SETD3: variants seen among roughly 807,000 people sequenced by gnomAD.
SETD3 encodes the protein actin-histidine N-methyltransferase.
SETD3 carries 19 observed loss-of-function variants against 63.0 expected under a neutral mutation model. The ratio of observed to expected loss-of-function variants is 0.30; its 90% CI spans 0.21 to 0.44. SETD3 has a LOEUF of 0.44. Among genes scored for constraint, SETD3 ranks in the 20% least tolerant of loss-of-function variants. SETD3 has a pLI of 1.00. For missense variants in SETD3, 587 were observed against 728.5 expected (o/e 0.81, Z 2.24); for synonymous variants, 286 against 264.1 (o/e 1.08, Z -0.80).
At chr14:99,404,437 C>T in intron 10 of SETD3, 127 bp from the exon 11 acceptor site, 1 of 782,126 alleles carries the variant, frequency 1.3e-6, no homozygotes, top group Non-Finnish European at 2.1e-6. Context: ...TGGGTCATTC[C>T]AGCTCCTCAT....
At chr14:99,399,267 C>G in intron 12 of SETD3, 142 bp from the exon 13 acceptor site, 1 of 635,922 alleles carries the variant, frequency 1.6e-6, no homozygotes, top group East Asian at 2.7e-5. Context: ...GGCAGGTGGT[C>G]GCATGACCAG....
In SETD3 at chr14:99,465,571, G is replaced by A. The variant is rs112648750; in HGVS notation, c.103+132C>T. The A allele has an allele frequency of 9.8e-3, 6,396 of 653,416 alleles. 54 individuals carry two copies. Among genetic ancestry groups the A allele is most frequent in the South Asian group, 0.022 (1,027 of 47,706 alleles). 40.5% of individuals were successfully genotyped at this position (653,416 alleles called of 1,614,324 possible). On this transcript the variant is annotated intron_variant, in intron 2 of 12. Coordinates refer to ENST00000331768, the MANE Select transcript of SETD3 (RefSeq NM_032233.3). Reference sequence around the variant, plus strand: ...GCAAGCCTGGGAACCTCTGTGACTCGCCCAGGCCCACAGCTAATAAGCTTG... The same window carrying A: ...GCAAGCCTGGGAACCTCTGTGACTCACCCAGGCCCACAGCTAATAAGCTTG...
chr14:99,466,796 G>A (rs1895410305), intron 1 of SETD3, among the ~76,000 whole-genome samples: 1 of 152,072 alleles, frequency 6.6e-6, no homozygotes, highest in Non-Finnish European at 1.5e-5. Flanking sequence ...GAGACAAGGG[G>A]CTAAGATCAT....
At chr14:99,443,803 C>T (rs1373395295) in intron 6 of SETD3, among the ~76,000 whole-genome samples, 1 of 152,144 alleles carries the variant, frequency 6.6e-6, no homozygotes, top group Non-Finnish European at 1.5e-5. Flanking sequence ...ACAGGGAGGC[C>T]TATTTTGCCT....
At chr14:99,463,293 G>A (rs572836230) in intron 3 of SETD3, among the ~76,000 whole-genome samples, 193 bp downstream of exon 3, 5 of 152,206 alleles carry the variant, frequency 3.3e-5, no homozygotes, top group Admixed American at 1.3e-4. Flanking sequence ...CACCCTTTCC[G>A]AAGCAGGTAA....
At chr14:99,473,413 A>G (rs1360137520) in intron 1 of SETD3, among the ~76,000 whole-genome samples, 1 of 152,190 alleles carries the variant, frequency 6.6e-6, no homozygotes, top group African/African-American at 2.4e-5. Flanking sequence ...AACACTCTAA[A>G]TGGAAAGGAT....
In SETD3 at chr14:99,398,945, G is replaced by GGTTA; in HGVS notation, c.1515_1518dup (p.Leu507Ter). On this transcript the variant is annotated stop_gained and frameshift_variant, in exon 13 of 13. Transcript: ENST00000331768. LOFTEE classifies it low-confidence loss of function (END_TRUNC). ...CCCACGCTGCTCTCCAACAGCCCAA[G>GGTTA]GTTACTCTCTTCATATTTGGGAAGC... 6.2e-7 allele frequency: 1 copy of GGTTA among 1,614,046 alleles called. No homozygotes were observed. The highest frequency in any genetic ancestry group is 8.5e-7 in the Non-Finnish European group (1 of 1,179,932).
chr14:99,439,989 C>T (rs1328379972), intron 6 of SETD3, among the ~76,000 whole-genome samples: 2 of 151,478 alleles, frequency 1.3e-5, no homozygotes, highest in Admixed American at 6.6e-5. Flanking sequence ...GACAGGGTTT[C>T]GCCATGTTGG....
chr14:99,405,180 G>A (rs367838796), intron 10 of SETD3, 25 bp downstream of exon 10: 6 of 1,602,494 alleles, frequency 3.7e-6, no homozygotes, highest in South Asian at 1.1e-5. Context: ...TGCAAGAAAG[G>A]GCCAACCGAT....
Position 99,400,090 on chromosome 14 carries a change from T to C in SETD3, c.1338+9A>G. 6.3e-7 allele frequency: 1 copy of C among 1,598,508 alleles called. No homozygotes were observed. Among genetic ancestry groups the C allele is most frequent in the African/African-American group, 1.4e-5 (1 of 73,918 alleles). ...CAAGTTCAAAACCTCATTTATTTAG[T>C]GTAATTACCTCAATAGTTGTTTTAT... On this transcript the variant is annotated intron_variant, in intron 12 of 12. Transcript: ENST00000331768.
At chr14:99,485,765 C>G (rs763198387), upstream of SETD3, among the ~76,000 whole-genome samples, 2 of 152,162 alleles carry the variant, frequency 1.3e-5, no homozygotes, top group Non-Finnish European at 2.9e-5. Flanking sequence ...GAGGCTGAGG[C>G]AGGAGAATCA....
At chr14:99,445,240 C>T (rs1398792327) in intron 6 of SETD3, among the ~76,000 whole-genome samples, 1 of 152,212 alleles carries the variant, frequency 6.6e-6, no homozygotes, top group East Asian at 1.9e-4. Context: ...CTAACGGCAA[C>T]AGAATATACT....
At chr14:99,403,824 A>G (rs1039488246) in intron 11 of SETD3, among the ~76,000 whole-genome samples, 1 of 152,236 alleles carries the variant, frequency 6.6e-6, no homozygotes, top group Non-Finnish European at 1.5e-5. Flanking sequence ...CGGTCCACGT[A>G]TGCCACAGCT....
At position 99,400,242 on chromosome 14, in the gene SETD3, A is replaced by T. The variant is rs761565437; in HGVS notation, c.1195T>A (p.Leu399Met). Reference protein sequence around the residue: ...CMTEEELKEHLLGDSAIDRIF... With the variant: ...CMTEEELKEHMLGDSAIDRIF... ...CTATCAATAGCGCTGTCTCCCAGCA[A>T]GTGTTCTTTCAGTTCTTCTACAAGA... The change falls in exon 12 of 13, where the codon TTG becomes ATG. Residue 399 changes from leucine (L) to methionine (M), a missense_variant. By Grantham distance (15) the Leu-to-Met change is conservative. Transcript: ENST00000331768. The T allele has an allele frequency of 1.9e-6, 3 of 1,611,766 alleles. No homozygotes were observed. Among genetic ancestry groups the T allele is most frequent in the South Asian group, 1.1e-5 (1 of 90,404 alleles).
At chr14:99,416,743 G>C (rs562720774) in intron 6 of SETD3, among the ~76,000 whole-genome samples, 1 of 152,300 alleles carries the variant, frequency 6.6e-6, no homozygotes, top group South Asian at 2.1e-4. Context: ...GGAGAAACTA[G>C]CCACGGATTT....
At position 99,403,453 on chromosome 14, in the gene SETD3, A is replaced by ACTCTCTCTCTCTCT. The variant is rs1188702914; in HGVS notation, c.1177+771_1177+772insAGAGAGAGAGAGAG. On this transcript the variant is annotated intron_variant, in intron 11 of 12. Transcript: ENST00000331768. ...CATACACACACACACACACACACAC[A>ACTCTCTCTCTCTCT]CACTCTCTCTCTCTCTCTCTCTCTC... 1.3e-3 allele frequency among the ~76,000 whole-genome samples: 133 copies of ACTCTCTCTCTCTCT among 106,166 alleles called. No homozygotes were observed. The East Asian group carries it at 0.017, about 13-fold the overall frequency. The allele number at this position is 106,166 out of a possible 152,430, so 69.6% of individuals were successfully genotyped here.
chr14:99,424,517 G>A (rs577006497), intron 6 of SETD3, among the ~76,000 whole-genome samples: 132 of 152,320 alleles, frequency 8.7e-4, no homozygotes, highest in African/African-American at 2.9e-3. Flanking sequence ...AAGACAGACA[G>A]GACATCATCT....
intron 1 of SETD3, among the ~76,000 whole-genome samples, chr14:99,477,609 C>T (rs1344230140): frequency 2.0e-5 from 3 of 151,928 alleles, no homozygotes; most frequent in Admixed American, 6.6e-5. Context: ...ACAAAATTAG[C>T]CAGGCGTGGT....
At chr14:99,439,284 T>G (rs917865005) in intron 6 of SETD3, among the ~76,000 whole-genome samples, 2 of 152,188 alleles carry the variant, frequency 1.3e-5, no homozygotes, top group Non-Finnish European at 2.9e-5. Flanking sequence ...CACCCCCAAC[T>G]CCAGACTGCT....
Sources: gnomAD v4.1 joint callset for allele counts (sites outside exome capture counted in the v4.1 genomes callset) on GRCh38, gnomAD v4.1.1 for gene constraint, MANE v1.5 for transcripts, NCBI Gene and HGNC (gene_info 2026-07-23, HGNC 2026-07-21) for gene names.